The following PLEKHA8 variants were observed in gnomAD, a reference collection of about 807,000 sequenced individuals.
PLEKHA8 encodes pleckstrin homology domain-containing family A member 8.
In PLEKHA8, 36 loss-of-function variants were observed where a neutral mutation model predicts 68.2. That is an observed-to-expected ratio of 0.53 (90% CI 0.40 to 0.70). PLEKHA8 has a LOEUF of 0.70. PLEKHA8 is among the 30% of genes least tolerant of loss of function. PLEKHA8 has a pLI of 0.00. For missense variants in PLEKHA8, 505 were observed against 615.4 expected (o/e 0.82, Z 1.90); for synonymous variants, 211 against 216.1 (o/e 0.98, Z 0.20).
chr7:30,128,197 C>T (rs1222447038), intron 13 of PLEKHA8, among the ~76,000 whole-genome samples: 9 of 151,916 alleles, frequency 5.9e-5, no homozygotes, highest in Admixed American at 5.2e-4. Flanking sequence ...GACTCAACCT[C>T]CTGGGCTCAA....
intron 1 of PLEKHA8, 86 bp downstream of exon 1, chr7:30,028,888 G>A: frequency 8.2e-7 from 1 of 1,217,266 alleles, no homozygotes; most frequent in Non-Finnish European, 1.0e-6. Context: ...CCCGTCTTAG[G>A]GAGGGGGTCA....
chr7:30,118,149 GC>G, intron 13 of PLEKHA8: 2 of 716,100 alleles, frequency 2.8e-6, no homozygotes, highest in Non-Finnish European at 4.1e-6. Context: ...TGCCCAGCAA[GC>G]CCCGAGATGC....
intron 13 of PLEKHA8, chr7:30,075,148 G>C (rs1321772106): frequency 6.6e-6 from 1 of 152,164 alleles, no homozygotes. Context: ...AGAAAGAACT[G>C]TTTGGGTCGT....
At chr7:30,034,709 G>A (rs983311438) in intron 1 of PLEKHA8, among the ~76,000 whole-genome samples, 2 of 152,178 alleles carry the variant, frequency 1.3e-5, no homozygotes, top group Non-Finnish European at 2.9e-5. Flanking sequence ...TGCTATCTCA[G>A]GGTAGCAGAA....
rs147100268 is a variant in PLEKHA8, at chr7:30,129,351, C to T, written c.*80C>T. On this transcript the variant is annotated 3_prime_UTR_variant, in exon 14 of 14. Transcript: ENST00000396257. ...GAGGATGGAAGCCACACACTAAGGACGGTAAAGCAGAAAGAAGAGCTGAAA... is the reference window on the plus strand; with the variant it reads ...GAGGATGGAAGCCACACACTAAGGATGGTAAAGCAGAAAGAAGAGCTGAAA... The T allele has an allele frequency of 9.2e-4, 1,488 of 1,611,970 alleles. 1 individual carries two copies. The highest frequency in any genetic ancestry group is 1.1e-3 in the Non-Finnish European group (1,319 of 1,179,170).
intron 1 of PLEKHA8, among the ~76,000 whole-genome samples, chr7:30,039,507 C>T (rs1285217282): frequency 6.6e-6 from 1 of 152,168 alleles, no homozygotes; most frequent in Non-Finnish European, 1.5e-5. Context: ...AAGAGTGAAA[C>T]TCTGTCTCAA....
At chr7:30,103,400 A>C (rs1795933968) in intron 13 of PLEKHA8, among the ~76,000 whole-genome samples, 1 of 152,260 alleles carries the variant, frequency 6.6e-6, no homozygotes, top group Non-Finnish European at 1.5e-5. Flanking sequence ...GTTCTAAAAA[A>C]TGCCAGCAAT....
chr7:30,092,154 A>G (rs926626928), downstream of PLEKHA8, among the ~76,000 whole-genome samples: 3 of 152,190 alleles, frequency 2.0e-5, no homozygotes, highest in African/African-American at 7.2e-5. Context: ...TCCTTCGTTC[A>G]TAGTGGGAGT....
At chr7:30,048,015 C>G in intron 4 of PLEKHA8, 59 bp downstream of exon 4, 1 of 945,614 alleles carries the variant, frequency 1.1e-6, no homozygotes, top group Non-Finnish European at 1.4e-6. Flanking sequence ...GAAGTGACTA[C>G]CAGTATATCC....
In PLEKHA8 at chr7:30,054,845, C is replaced by A. The variant is rs1282083678; in HGVS notation, c.933C>A (p.Phe311Leu). 1.2e-6 allele frequency: 2 copies of A among 1,609,150 alleles called. No individual in the cohort carries two copies. Among genetic ancestry groups the A allele is most frequent in the South Asian group, 2.2e-5 (2 of 90,310 alleles). The change falls in exon 8 of 14, where the codon TTC becomes TTA. Residue 311 changes from phenylalanine to leucine, a missense_variant. Physicochemically the swap from Phe to Leu is conservative, Grantham distance 22. Coordinates refer to ENST00000449726, the MANE Select transcript of PLEKHA8 (RefSeq NM_001197026.2). ...WEEGKEVIPT[F>L]FSTMNTSFSD... is the part of the protein sequence containing the mutation. ...AAGGCAAAGAAGTTATCCCAACTTT[C>A]TTTAGTACCATGAACACAAGGTATT...
chr7:30,126,177 G>GTGAAGGCCCTGAAGGCTTGTA (rs1271079359), intron 13 of PLEKHA8, among the ~76,000 whole-genome samples: 1 of 152,048 alleles, frequency 6.6e-6, no homozygotes, highest in African/African-American at 2.4e-5. Context: ...TCAGGCTTGT[G>GTGAAGGCCCTGAAGGCTTGTA]TGAAGGCCCT....
At chr7:30,111,731 C>A (rs575717038) in intron 13 of PLEKHA8, among the ~76,000 whole-genome samples, 1 of 152,168 alleles carries the variant, frequency 6.6e-6, no homozygotes, top group African/African-American at 2.4e-5. Flanking sequence ...GCAGTCCTCC[C>A]ACCTCAGCCT....
chr7:30,116,075 T>TATACATACGC (rs1280461049), intron 13 of PLEKHA8: 4 of 143,430 alleles, frequency 2.8e-5, no homozygotes, highest in Non-Finnish European at 4.6e-5. Flanking sequence ...CGTATACATG[T>TATACATACGC]ATACATACGC....
Position 30,055,297 on chromosome 7 carries a change from A to G in PLEKHA8, c.994A>G (p.Thr332Ala). The change falls in exon 9 of 14, where the codon ACA becomes GCA. Residue 332 changes from threonine (T) to alanine (A), a missense_variant. Coordinates refer to ENST00000449726, the MANE Select transcript of PLEKHA8 (RefSeq NM_001197026.2). ...ACTTCTGGAAGACAGTGGCATTCCC[A>G]CAGAAGCATTCTTGGCATCATGTTA... is the stretch of plus-strand genomic sequence containing the variant. ...IELLEDSGIPTEAFLASCYAV... is the reference protein window; with the variant it reads ...IELLEDSGIPAEAFLASCYAV... The G allele has an allele frequency of 6.2e-7, 1 of 1,614,148 alleles. No homozygotes were observed. Among genetic ancestry groups the G allele is most frequent in the Non-Finnish European group, 8.5e-7 (1 of 1,179,998 alleles).
At chr7:30,045,004 T>C (rs1022919875) in intron 1 of PLEKHA8, 81 bp from the exon 2 acceptor site, 3 of 926,816 alleles carry the variant, frequency 3.2e-6, no homozygotes, top group Non-Finnish European at 3.3e-6. Flanking sequence ...CAGTATCCTA[T>C]GTTAGGCTCT....
intron 1 of PLEKHA8, among the ~76,000 whole-genome samples, chr7:30,038,377 A>G (rs1222874140): frequency 6.6e-6 from 1 of 152,236 alleles, no homozygotes; most frequent in Non-Finnish European, 1.5e-5. Context: ...AGATGTAGAG[A>G]ATCCCCTGAA....
chr7:30,087,121 G>C (rs1795214517), downstream of PLEKHA8, among the ~76,000 whole-genome samples: 1 of 152,186 alleles, frequency 6.6e-6, no homozygotes, highest in Non-Finnish European at 1.5e-5. Flanking sequence ...TGAGAGTCCA[G>C]CTTGTTGGAA....
chr7:30,101,522 G>A (rs1308091325), intron 13 of PLEKHA8, among the ~76,000 whole-genome samples: 1 of 152,026 alleles, frequency 6.6e-6, no homozygotes, highest in African/African-American at 2.4e-5. Flanking sequence ...AAGCTCTCAG[G>A]GGCCTCTTTT....
At chr7:30,056,739 AAAAGTGTGT>A (rs1404038521) in intron 9 of PLEKHA8, among the ~76,000 whole-genome samples, 204 of 93,502 alleles carry the variant, frequency 2.2e-3, no homozygotes, top group Non-Finnish European at 3.9e-3. Flanking sequence ...AAAAAAAAAA[AAAAGTGTGT>A]GTGTGTGTGT....
Sources: gnomAD v4.1 joint callset for allele counts (sites outside exome capture counted in the v4.1 genomes callset) on GRCh38, gnomAD v4.1.1 for gene constraint, MANE v1.5 for transcripts, NCBI Gene and HGNC (gene_info 2026-07-23, HGNC 2026-07-21) for gene names.